SUGP2: variants seen among roughly 807,000 people sequenced by gnomAD.
SUGP2 encodes the protein SURP and G-patch domain-containing protein 2.
Under a neutral mutation model 90.5 loss-of-function variants are expected in SUGP2, and 24 were observed. That is an observed-to-expected ratio of 0.27 (90% CI 0.19 to 0.37). SUGP2 has a LOEUF of 0.37. SUGP2 is among the 10% of genes least tolerant of loss of function. SUGP2 has a pLI of 1.00. For synonymous variants in SUGP2, 473 were observed against 513.4 expected (o/e 0.92, Z 1.06); for missense variants, 1,233 against 1,363.3 (o/e 0.90, Z 1.51).
intron 2 of SUGP2, among the ~76,000 whole-genome samples, chr19:19,026,595 C>T (rs1225383567): frequency 1.3e-5 from 2 of 152,216 alleles, no homozygotes; most frequent in Admixed American, 1.3e-4. Flanking sequence ...TTGACAATCC[C>T]TCTTTTAGTC....
rs555234485 is a variant in SUGP2 at position 19,027,787 on chromosome 19, G to A, written c.122-1561C>T. 5.3e-3 allele frequency among the ~76,000 whole-genome samples: 803 copies of A among 152,102 alleles called. 5 individuals carry two copies. The highest frequency in any genetic ancestry group is 8.5e-3 in the Non-Finnish European group (578 of 68,010). On this transcript the variant is annotated intron_variant, in intron 2 of 10. Transcript: ENST00000452918. ...TGAGTAGCTGGGAATACAGGCACCC[G>A]CCACCATGCCCGGCTAACTTTTGTA...
Position 18,993,557 on chromosome 19 carries a change from T to C in SUGP2, c.*184A>G, listed in dbSNP as rs1355431456. On this transcript the variant is annotated 3_prime_UTR_variant, in exon 11 of 11. Transcript: ENST00000452918. Reference sequence around the variant, plus strand: ...GCAAAAGCACATTGAAAATGGTGCATGTTTTTTTCTTTGAGAGAAAGAAAA... The same window carrying C: ...GCAAAAGCACATTGAAAATGGTGCACGTTTTTTTCTTTGAGAGAAAGAAAA... 2 of 152,584 alleles carry C rather than the reference T, an allele frequency of 1.3e-5. No homozygotes were observed. Among genetic ancestry groups the C allele is most frequent in the Non-Finnish European group, 2.9e-5 (2 of 68,038 alleles). The allele number at this position is 152,584 out of a possible 1,614,324, so 9.5% of individuals were successfully genotyped here.
chr19:19,033,537 C>G, upstream of SUGP2: 1 of 1,332,700 alleles, frequency 7.5e-7, no homozygotes, highest in Non-Finnish European at 9.6e-7. Flanking sequence ...AACCAACGGT[C>G]TCCGCAGCGC....
At chr19:19,033,590 G>A (rs1408177202), upstream of SUGP2, 51 of 1,190,846 alleles carry the variant, frequency 4.3e-5, no homozygotes, top group South Asian at 1.7e-3. Flanking sequence ...CTGGTGCGCA[G>A]GCGCGGGCCG....
intron 4 of SUGP2, among the ~76,000 whole-genome samples, 198 bp from the exon 5 acceptor site, chr19:19,010,540 G>A (rs1213639722): frequency 5.9e-5 from 9 of 152,138 alleles, no homozygotes; most frequent in African/African-American, 1.7e-4. Flanking sequence ...CAGGGCAATC[G>A]GGAGTTTGAA....
rs2057341407 is a variant in SUGP2, at chr19:18,991,087, G to T, written c.*2654C>A. On this transcript the variant is annotated 3_prime_UTR_variant, in exon 11 of 11. Transcript: ENST00000452918. ...ATGGAAACAAGCCAGAGACAGTAAA[G>T]CACCCAGAGTGGCGAGAGAGCACTT... 1 of 151,914 alleles carries T rather than the reference G, an allele frequency of 6.6e-6. No individual in the cohort carries two copies. The highest frequency in any genetic ancestry group is 1.5e-5 in the Non-Finnish European group (1 of 68,024). The allele number at this position is 151,914 out of a possible 1,614,324, so 9.4% of individuals were successfully genotyped here. A position where few individuals can be genotyped will look rare whatever the true frequency, so the allele number is the denominator to read the frequency against.
Position 19,033,493 on chromosome 19 carries a change from C to T in SUGP2, c.-68G>A. On this transcript the variant is annotated 5_prime_UTR_variant, in exon 1 of 11. Coordinates refer to ENST00000452918, the MANE Select transcript of SUGP2 (RefSeq NM_001017392.5). ...CCGCCGCCTCAGGCTCCTCACCCGC[C>T]GCCGCCGCCGCGCGAGGCGGGGACA... 1 of 1,406,806 alleles carries T rather than the reference C, an allele frequency of 7.1e-7. No homozygotes were observed. The highest frequency in any genetic ancestry group is 2.8e-5 in the Admixed American group (1 of 35,870). 87.1% of individuals were successfully genotyped at this position (1,406,806 alleles called of 1,614,324 possible). A position where few individuals can be genotyped will look rare whatever the true frequency, so the allele number is the denominator to read the frequency against.
chr19:18,994,831 C>T (rs2145225291), intron 9 of SUGP2: 1 of 537,450 alleles, frequency 1.9e-6, no homozygotes, highest in East Asian at 3.3e-5. Context: ...GCTATGGGTT[C>T]CCGGGAATGG....
rs746770279 is a variant in SUGP2 at position 19,004,596 on chromosome 19, ACTTT to A, written c.2497_2500del (p.Lys833CysfsTer57). 1 of 1,613,542 alleles carries A rather than the reference ACTTT, an allele frequency of 6.2e-7. No individual in the cohort carries two copies. The highest frequency in any genetic ancestry group is 1.1e-5 in the South Asian group (1 of 91,058). ...ACAAATTGATGGACATAGTTCAAACACTTTCTTTCGATAGAATTTGAAAGCAGAA... is the reference window on the plus strand; with the variant it reads ...ACAAATTGATGGACATAGTTCAAACACTTTCGATAGAATTTGAAAGCAGAA... On this transcript the variant is annotated frameshift_variant, in exon 7 of 11. Transcript: ENST00000452918. LOFTEE classifies it high-confidence loss of function.
At chr19:19,020,066 T>TA (rs2058664212) in intron 3 of SUGP2, among the ~76,000 whole-genome samples, 2 of 94,350 alleles carry the variant, frequency 2.1e-5, no homozygotes, top group Non-Finnish European at 4.4e-5. Context: ...AAAAAATAAA[T>TA]AAATAAATAA....
Position 18,994,840 on chromosome 19 carries a change from G to A in SUGP2, c.3128+304C>T, listed in dbSNP as rs1342410268. Reference sequence around the variant, plus strand: ...GGCCCGGCTATGGGTTCCCGGGAATGGGAAAGCAGTTCCAGACGGAAACTA... The same window carrying A: ...GGCCCGGCTATGGGTTCCCGGGAATAGGAAAGCAGTTCCAGACGGAAACTA... On this transcript the variant is annotated intron_variant, in intron 9 of 10. Coordinates refer to ENST00000452918, the MANE Select transcript of SUGP2 (RefSeq NM_001017392.5). 7.2e-5 allele frequency: 39 copies of A among 543,388 alleles called. 1 individual carries two copies. The South Asian group carries it at 7.8e-4, about 11-fold the overall frequency. The allele number at this position is 543,388 out of a possible 1,614,324, so 33.7% of individuals were successfully genotyped here. A position where few individuals can be genotyped will look rare whatever the true frequency, so the allele number is the denominator to read the frequency against.
intron 2 of SUGP2, among the ~76,000 whole-genome samples, 198 bp from the exon 3 acceptor site, chr19:19,026,424 A>C (rs1334756534): frequency 6.6e-6 from 1 of 152,176 alleles, no homozygotes; most frequent in Non-Finnish European, 1.5e-5. Flanking sequence ...TGGATCGACT[A>C]CTTACTAAAA....
In SUGP2 at chr19:19,025,381, C is replaced by A; in HGVS notation, c.967G>T (p.Asp323Tyr). The A allele has an allele frequency of 1.9e-6, 3 of 1,614,162 alleles. No individual in the cohort carries two copies. Among genetic ancestry groups the A allele is most frequent in the Non-Finnish European group, 2.5e-6 (3 of 1,180,030 alleles). Residue 323 changes from aspartate (D) to tyrosine (Y), a missense_variant, in exon 3 of 11, where the codon GAT becomes TAT. Coordinates refer to ENST00000452918, the MANE Select transcript of SUGP2 (RefSeq NM_001017392.5). ...TCTATCCCAAATCTTGAAAAAACAT[C>A]AGACTTATCTATGATGTCAAAGCTC... is the stretch of plus-strand genomic sequence containing the variant. The part of the protein sequence containing the change: ...KMSFDIIDKS[D>Y]VFSRFGIEII...
In SUGP2 at chr19:19,008,304, G is replaced by T. The variant is rs773961950; in HGVS notation, c.2450+13C>A. Reference sequence around the variant, plus strand: ...AAAGAAAAAGGTGTGATGAGACCCGGGGGGGTACGTACCACAGGTCAGGGT... The same window carrying T: ...AAAGAAAAAGGTGTGATGAGACCCGTGGGGGTACGTACCACAGGTCAGGGT... On this transcript the variant is annotated intron_variant, in intron 6 of 10. Coordinates refer to ENST00000452918, the MANE Select transcript of SUGP2 (RefSeq NM_001017392.5). The T allele has an allele frequency of 6.3e-7, 1 of 1,595,988 alleles. No homozygotes were observed. Among genetic ancestry groups the T allele is most frequent in the Non-Finnish European group, 8.6e-7 (1 of 1,163,498 alleles).
intron 4 of SUGP2, among the ~76,000 whole-genome samples, chr19:19,018,706 A>C (rs1424323062): frequency 6.6e-6 from 1 of 151,920 alleles, no homozygotes; most frequent in African/African-American, 2.4e-5. Flanking sequence ...AAAAAAAAAA[A>C]AAGTTGTTCT....
rs113724570 is a variant in SUGP2 at position 19,004,711 on chromosome 19, A to G, written c.2451-65T>C. On this transcript the variant is annotated intron_variant, in intron 6 of 10. Coordinates refer to ENST00000452918, the MANE Select transcript of SUGP2 (RefSeq NM_001017392.5). The stretch of plus-strand genomic sequence containing the variant: ...TCTCTCAACATTTTTATTTGCTGAA[A>G]CTGCTGGGATTGATCCAAGGAAGGT... The G allele has an allele frequency of 9.6e-6, 13 of 1,348,396 alleles. 1 individual carries two copies. Among genetic ancestry groups the G allele is most frequent in the African/African-American group, 8.7e-5 (6 of 69,136 alleles). The allele number at this position is 1,348,396 out of a possible 1,614,324, so 83.5% of individuals were successfully genotyped here. A position where few individuals can be genotyped will look rare whatever the true frequency, so the allele number is the denominator to read the frequency against.
intron 2 of SUGP2, among the ~76,000 whole-genome samples, chr19:19,029,900 G>A (rs535158732): frequency 2.4e-4 from 36 of 151,564 alleles, no homozygotes; most frequent in Non-Finnish European, 4.4e-4. Context: ...CCAAAATCAC[G>A]TCACTGCACT....
intron 4 of SUGP2, among the ~76,000 whole-genome samples, chr19:19,017,398 G>C (rs1384422022): frequency 2.0e-5 from 3 of 152,182 alleles, no homozygotes; most frequent in Non-Finnish European, 2.9e-5. Context: ...ACATCAAACG[G>C]ATAGAGGCCA....
intron 8 of SUGP2, among the ~76,000 whole-genome samples, chr19:18,998,603 CGTGTGTGTATGCAT>C (rs1354544826): frequency 2.0e-5 from 3 of 151,212 alleles, no homozygotes; most frequent in African/African-American, 7.3e-5. Flanking sequence ...TGTGTGTGTG[CGTGTGTGTATGCAT>C]GTGTGTGTGC....
Sources: allele counts gnomAD v4.1 joint callset (sites outside exome capture counted in the v4.1 genomes callset), GRCh38; gene constraint gnomAD v4.1.1; transcripts MANE v1.5; gene names NCBI Gene and HGNC (gene_info 2026-07-23, HGNC 2026-07-21).